Variants in SINHCAF observed in about 807,000 individuals in gnomAD.
SINHCAF encodes the protein SIN3-HDAC complex associated factor.
In SINHCAF, 3 loss-of-function variants were observed where a neutral mutation model predicts 25.8. The ratio of observed to expected loss-of-function variants is 0.12; its 90% CI spans 0.05 to 0.30. The LOEUF (loss-of-function observed/expected upper bound fraction) is 0.30, where lower values mean the gene tolerates loss of function less well. Ranked by LOEUF, SINHCAF falls within the 10% of genes least tolerant of loss-of-function variation. SINHCAF has a pLI of 1.00. For missense variants in SINHCAF, 121 were observed against 262.3 expected (o/e 0.46, Z 3.72); for synonymous variants, 70 against 85.5 (o/e 0.82, Z 1.00).
At chr12:31,322,165 T>C (rs976333998) in intron 1 of SINHCAF, among the ~76,000 whole-genome samples, 1 of 152,202 alleles carries the variant, frequency 6.6e-6, no homozygotes, top group African/African-American at 2.4e-5. Flanking sequence ...AGTAGAGACC[T>C]TGTCTGTGGG....
intron 1 of SINHCAF, among the ~76,000 whole-genome samples, chr12:31,312,948 T>A (rs1284902583): frequency 1.3e-5 from 2 of 152,216 alleles, no homozygotes; most frequent in Non-Finnish European, 2.9e-5. Context: ...GCATTAAAGG[T>A]AAGGGTCAAA....
rs1031361879 is a variant in SINHCAF, at chr12:31,311,718, C to T, written c.-20-13494G>A. The stretch of plus-strand genomic sequence containing the variant: ...GCATTGAGAAAAATGGTGAATTTTT[C>T]ATGTCTCCCAGTGACTTTATCACTC... On this transcript the variant is annotated intron_variant, in intron 1 of 5. Transcript: ENST00000337682. 3.1e-5 allele frequency: 16 copies of T among 508,134 alleles called. No individual in the cohort carries two copies. In the East Asian group the frequency reaches 7.2e-4, roughly 23 times the overall value. 31.5% of individuals were successfully genotyped at this position (508,134 alleles called of 1,614,324 possible). A position where few individuals can be genotyped will look rare whatever the true frequency, so the allele number is the denominator to read the frequency against.
intron 1 of SINHCAF, among the ~76,000 whole-genome samples, chr12:31,314,368 CA>C (rs911924068): frequency 9.3e-5 from 14 of 150,062 alleles, no homozygotes; most frequent in African/African-American, 2.7e-4. Context: ...ACTAAAAATA[CA>C]AAAAAAAATA....
At position 31,282,706 on chromosome 12, in the gene SINHCAF, C is replaced by T. The variant is rs1937855596; in HGVS notation, c.*6G>A. On this transcript the variant is annotated 3_prime_UTR_variant, in exon 6 of 6. Coordinates refer to ENST00000337682, the MANE Select transcript of SINHCAF (RefSeq NM_001135812.2). The stretch of plus-strand genomic sequence containing the variant: ...TTTTTGTTCCCCTTCTACATAAAAA[C>T]CTCAGTCACCACTCCTGAGTGGAGA... 1.2e-5 allele frequency: 18 copies of T among 1,547,602 alleles called. No individual in the cohort carries two copies. The highest frequency in any genetic ancestry group is 1.5e-5 in the Non-Finnish European group (17 of 1,151,872).
At chr12:31,298,474 G>A in intron 1 of SINHCAF, 1 of 397,644 alleles carries the variant, frequency 2.5e-6, no homozygotes, top group Non-Finnish European at 4.6e-6. Flanking sequence ...TAACAAACAT[G>A]CAATCTAAAA....
At chr12:31,294,052 T>C (rs1938448539) in intron 3 of SINHCAF, 121 bp from the exon 4 acceptor site, 1 of 650,016 alleles carries the variant, frequency 1.5e-6, no homozygotes, top group South Asian at 2.6e-5. Context: ...TGAAGCTCCA[T>C]GTGCACCTTT....
chr12:31,304,347 A>T (rs1174997296), intron 1 of SINHCAF: 1 of 152,210 alleles, frequency 6.6e-6, no homozygotes, highest in African/African-American at 2.4e-5. Flanking sequence ...CATGATATAT[A>T]ACAAATGAGA....
intron 4 of SINHCAF, among the ~76,000 whole-genome samples, chr12:31,290,650 C>T (rs1195652531): frequency 1.3e-5 from 2 of 152,156 alleles, no homozygotes; most frequent in Non-Finnish European, 2.9e-5. Context: ...GAGGAAAACT[C>T]ACTCTCCTAG....
intron 1 of SINHCAF, among the ~76,000 whole-genome samples, chr12:31,314,876 G>T (rs1939437278): frequency 6.6e-6 from 1 of 152,212 alleles, no homozygotes; most frequent in Non-Finnish European, 1.5e-5. Flanking sequence ...ACACAATGAG[G>T]CACCCCAAGT....
At chr12:31,300,104 A>C (rs910993690) in intron 1 of SINHCAF, among the ~76,000 whole-genome samples, 1 of 152,194 alleles carries the variant, frequency 6.6e-6, no homozygotes, top group South Asian at 2.1e-4. Context: ...TTCCATTCCA[A>C]TTCTGGTTAG....
intron 1 of SINHCAF, among the ~76,000 whole-genome samples, chr12:31,308,155 G>A (rs1354150321): frequency 1.3e-5 from 2 of 152,152 alleles, no homozygotes; most frequent in African/African-American, 2.4e-5. Context: ...TGCCCGTGCT[G>A]GTCTTGAACG....
chr12:31,299,090 G>A (rs888222125), intron 1 of SINHCAF, among the ~76,000 whole-genome samples: 1 of 152,004 alleles, frequency 6.6e-6, no homozygotes, highest in Non-Finnish European at 1.5e-5. Context: ...CAGCTCTGGG[G>A]CTGGATGCAA....
chr12:31,290,705 A>C (rs1238493662), intron 4 of SINHCAF, among the ~76,000 whole-genome samples: 2 of 151,864 alleles, frequency 1.3e-5, no homozygotes, highest in African/African-American at 2.4e-5. Context: ...CAATTATCTG[A>C]CCATTTTTGT....
At chr12:31,304,251 C>T (rs1938935970) in intron 1 of SINHCAF, 1 of 151,996 alleles carries the variant, frequency 6.6e-6, no homozygotes, top group African/African-American at 2.4e-5. Flanking sequence ...ACTATTCATT[C>T]ATAATAGTTT....
At chr12:31,288,082 G>A (rs1938151036) in intron 4 of SINHCAF, among the ~76,000 whole-genome samples, 1 of 151,974 alleles carries the variant, frequency 6.6e-6, no homozygotes, top group Non-Finnish European at 1.5e-5. Flanking sequence ...GGGAGCTCAA[G>A]ACCCAAGGCA....
intron 1 of SINHCAF, chr12:31,302,896 ATGC>A (rs2137103919): frequency 1.0e-6 from 1 of 980,820 alleles, no homozygotes; most frequent in Admixed American, 6.1e-5. Context: ...CCAGTTACAA[ATGC>A]ACAAAGGGTC....
intron 1 of SINHCAF, among the ~76,000 whole-genome samples, chr12:31,316,196 A>G (rs1373020191): frequency 2.6e-5 from 4 of 152,074 alleles, no homozygotes; most frequent in African/African-American, 9.7e-5. Context: ...AAAAAAAACC[A>G]TGCCATAATT....
At chr12:31,299,168 T>C (rs1938674045) in intron 1 of SINHCAF, among the ~76,000 whole-genome samples, 1 of 152,002 alleles carries the variant, frequency 6.6e-6, no homozygotes, top group Non-Finnish European at 1.5e-5. Context: ...AAGGGCCAGC[T>C]CACCAAAACA....
intron 3 of SINHCAF, among the ~76,000 whole-genome samples, chr12:31,294,785 T>C (rs1938480938): frequency 6.6e-6 from 1 of 152,246 alleles, no homozygotes; most frequent in Admixed American, 6.5e-5. Flanking sequence ...AGAGCTATTA[T>C]CTTTGCACTT....
Sources: allele counts gnomAD v4.1 joint callset (sites outside exome capture counted in the v4.1 genomes callset), GRCh38; gene constraint gnomAD v4.1.1; transcripts MANE v1.5; gene names NCBI Gene and HGNC (gene_info 2026-07-23, HGNC 2026-07-21).